CEP126: variants seen among roughly 807,000 people sequenced by gnomAD.
CEP126 encodes the protein centrosomal protein of 126 kDa.
In CEP126, 74 loss-of-function variants were observed where a neutral mutation model predicts 107.8. The ratio of observed to expected loss-of-function variants is 0.69; its 90% CI spans 0.57 to 0.83. The LOEUF is 0.83. Among genes scored for constraint, CEP126 ranks in the 40% least tolerant of loss-of-function variants. CEP126 has a pLI of 0.00. For missense variants in CEP126, 1,237 were observed against 1,281.9 expected (o/e 0.96, Z 0.53); for synonymous variants, 449 against 446.0 (o/e 1.01, Z -0.08).
In CEP126 at chr11:101,972,246, GAA is replaced by G. The variant is rs1201399752; in HGVS notation, c.2846-6099_2846-6098del. Among the ~76,000 whole-genome samples the G allele has an allele frequency of 4.0e-5, 6 of 150,384 alleles. No homozygotes were observed. In the East Asian group the frequency reaches 1.2e-3, roughly 30 times the overall value. On this transcript the variant is annotated intron_variant, in intron 6 of 10. Coordinates refer to ENST00000263468, the MANE Select transcript of CEP126 (RefSeq NM_020802.4). ...TCGAGACCATCCTGGCTAACACTGT[GAA>G]ACTCTGTCTCTATTAAAAATACAAA...
intron 9 of CEP126, among the ~76,000 whole-genome samples, chr11:101,987,866 A>G (rs1941333474): frequency 6.6e-6 from 1 of 152,214 alleles, no homozygotes; most frequent in African/African-American, 2.4e-5. Flanking sequence ...TAGTATTCCA[A>G]AACACTTGGG....
chr11:101,916,257 A>G (rs762655451), intron 1 of CEP126: 4 of 152,078 alleles, frequency 2.6e-5, no homozygotes, highest in Non-Finnish European at 4.4e-5. Flanking sequence ...TTTGTCTCCA[A>G]TTTCTAGGAT....
intron 1 of CEP126, among the ~76,000 whole-genome samples, chr11:101,916,815 T>C (rs1443508530): frequency 6.6e-6 from 1 of 152,156 alleles, no homozygotes; most frequent in Non-Finnish European, 1.5e-5. Flanking sequence ...AAATTTTTGA[T>C]ACAAATGCCA....
At chr11:101,993,439 T>C (rs967498848) in intron 10 of CEP126, among the ~76,000 whole-genome samples, 10 of 152,220 alleles carry the variant, frequency 6.6e-5, no homozygotes, top group Non-Finnish European at 1.5e-4. Context: ...ATGTACCACA[T>C]TTTCTCTATC....
chr11:101,987,128 G>T, intron 9 of CEP126, 87 bp downstream of exon 9: 1 of 945,410 alleles, frequency 1.1e-6, no homozygotes, highest in South Asian at 1.7e-5. Context: ...AAATTGAAAA[G>T]AAAAATACAA....
chr11:101,938,520 T>G (rs1940624798), intron 2 of CEP126, among the ~76,000 whole-genome samples: 1 of 151,904 alleles, frequency 6.6e-6, no homozygotes, highest in South Asian at 2.1e-4. Flanking sequence ...AGTCATTGAT[T>G]TTAAACCTTT....
chr11:101,950,627 A>G (rs1940798563), intron 4 of CEP126, among the ~76,000 whole-genome samples: 1 of 152,212 alleles, frequency 6.6e-6, no homozygotes, highest in Non-Finnish European at 1.5e-5. Flanking sequence ...TGAAGGTAGA[A>G]GGTAGTCTTA....
At chr11:101,935,117 C>T (rs1420331267) in intron 2 of CEP126, among the ~76,000 whole-genome samples, 1 of 151,874 alleles carries the variant, frequency 6.6e-6, no homozygotes, top group African/African-American at 2.4e-5. Context: ...TTTCACTTGC[C>T]TGATGTGCCA....
At chr11:101,973,901 T>A (rs1450924757) in intron 6 of CEP126, among the ~76,000 whole-genome samples, 1 of 152,204 alleles carries the variant, frequency 6.6e-6, no homozygotes, top group Non-Finnish European at 1.5e-5. Context: ...TCTATTTTTT[T>A]AAATTTCTTA....
At position 101,992,434 on chromosome 11, in the gene CEP126, T is replaced by A. The variant is rs543487631; in HGVS notation, c.3245-344T>A. Among the ~76,000 whole-genome samples the A allele has an allele frequency of 3.3e-5, 5 of 152,112 alleles. No homozygotes were observed. The South Asian group carries it at 8.3e-4, about 25-fold the overall frequency. Reference sequence around the variant, plus strand: ...ATGCCTCAATAACTAAATAAACATCTCTTTTTTTCTGAGAGGCTCCAAGGA... The same window carrying A: ...ATGCCTCAATAACTAAATAAACATCACTTTTTTTCTGAGAGGCTCCAAGGA... On this transcript the variant is annotated intron_variant, in intron 9 of 10. Coordinates refer to ENST00000263468, the MANE Select transcript of CEP126 (RefSeq NM_020802.4).
rs182020173 is a variant in CEP126 at position 101,993,991 on chromosome 11, T to C, written c.3309+1149T>C. 2.6e-3 allele frequency among the ~76,000 whole-genome samples: 403 copies of C among 152,318 alleles called. 2 individuals carry two copies. Among genetic ancestry groups the C allele is most frequent in the African/African-American group, 9.3e-3 (386 of 41,576 alleles). On this transcript the variant is annotated intron_variant, in intron 10 of 10. Transcript: ENST00000263468. ...GCTCATGCCTGTAATCCCAGGACTT[T>C]GGGAGGCCGAGGCTGGCTGGTCACC... is the stretch of plus-strand genomic sequence containing the variant.
intron 2 of CEP126, among the ~76,000 whole-genome samples, chr11:101,928,989 T>C (rs1940451882): frequency 6.6e-6 from 1 of 152,254 alleles, no homozygotes; most frequent in Non-Finnish European, 1.5e-5. Flanking sequence ...ACTGACATCT[T>C]CACTATGTTG....
Position 101,924,438 on chromosome 11 carries a change from C to CTGTG in CEP126, c.248+1695_248+1698dup, listed in dbSNP as rs34042050. 1.9e-3 allele frequency among the ~76,000 whole-genome samples: 287 copies of CTGTG among 149,430 alleles called. 1 individual carries two copies. Among genetic ancestry groups the CTGTG allele is most frequent in the East Asian group, 5.7e-3 (29 of 5,054 alleles). ...TTTTTGTTTTGTTGTTGTTTTGGGG[C>CTGTG]TGTGTGTGTGTGTGTGTGTGGTTTT... On this transcript the variant is annotated intron_variant, in intron 2 of 10. Transcript: ENST00000263468.
At chr11:101,940,253 A>T (rs1940645445) in intron 2 of CEP126, among the ~76,000 whole-genome samples, 1 of 152,254 alleles carries the variant, frequency 6.6e-6, no homozygotes, top group African/African-American at 2.4e-5. Flanking sequence ...TGCATGACAT[A>T]GTGCTGTTTA....
chr11:101,993,702 C>T (rs1326949068), intron 10 of CEP126, among the ~76,000 whole-genome samples: 2 of 152,234 alleles, frequency 1.3e-5, no homozygotes, highest in African/African-American at 4.8e-5. Flanking sequence ...TTCTCCACAG[C>T]CTCACCAGTA....
At chr11:101,955,170 A>T (rs1249932525) in intron 4 of CEP126, among the ~76,000 whole-genome samples, 1 of 152,204 alleles carries the variant, frequency 6.6e-6, no homozygotes, top group Non-Finnish European at 1.5e-5. Context: ...TCATGAACAT[A>T]GAAGCTGCTT....
At position 101,977,043 on chromosome 11, in the gene CEP126, G is replaced by A. The variant is rs555911546; in HGVS notation, c.2846-1304G>A. 2.8e-4 allele frequency among the ~76,000 whole-genome samples: 42 copies of A among 151,982 alleles called. 2 individuals carry two copies. In the South Asian group the frequency reaches 4.8e-3, roughly 17 times the overall value. Reference sequence around the variant, plus strand: ...AATATATACATTAAGAACCTTAATCGGAAATTTTTTAAAGATAAGCTAAAG... The same window carrying A: ...AATATATACATTAAGAACCTTAATCAGAAATTTTTTAAAGATAAGCTAAAG... On this transcript the variant is annotated intron_variant, in intron 6 of 10. Transcript: ENST00000263468.
intron 5 of CEP126, among the ~76,000 whole-genome samples, chr11:101,959,122 A>G (rs1940939056): frequency 6.6e-6 from 1 of 152,028 alleles, no homozygotes; most frequent in Non-Finnish European, 1.5e-5. Context: ...TACCTATTAA[A>G]CAAAAAAACT....
intron 2 of CEP126, among the ~76,000 whole-genome samples, chr11:101,932,217 AAG>A (rs1940511086): frequency 6.6e-6 from 1 of 152,220 alleles, no homozygotes; most frequent in Non-Finnish European, 1.5e-5. Flanking sequence ...TGAGTAATGA[AAG>A]AAGTATAGTA....
Sources: allele counts gnomAD v4.1 joint callset (sites outside exome capture counted in the v4.1 genomes callset), GRCh38; gene constraint gnomAD v4.1.1; transcripts MANE v1.5; gene names NCBI Gene and HGNC (gene_info 2026-07-23, HGNC 2026-07-21).